The following SCNN1B variants were observed in gnomAD, a reference collection of about 807,000 sequenced individuals.
SCNN1B encodes sodium channel epithelial 1 subunit beta.
A neutral mutation model predicts 65.3 loss-of-function variants in SCNN1B; 46 were observed. That is an observed-to-expected ratio of 0.70 (90% CI 0.56 to 0.90). The LOEUF (loss-of-function observed/expected upper bound fraction) is 0.90, where lower values mean the gene tolerates loss of function less well. SCNN1B is among the 40% of genes least tolerant of loss of function. The pLI is 0.00. For synonymous variants in SCNN1B, 349 were observed against 330.6 expected (o/e 1.06, Z -0.60); for missense variants, 751 against 830.5 (o/e 0.90, Z 1.18).
At position 23,380,319 on chromosome 16, in the gene SCNN1B, C is replaced by A; in HGVS notation, c.1543-102C>A. 3 of 1,584,152 alleles carry A rather than the reference C, an allele frequency of 1.9e-6. No individual in the cohort carries two copies. The South Asian group carries it at 3.3e-5, about 18-fold the overall frequency. ...TTCCCCTGGGCCAAGATGGTCACCC[C>A]CTCCCGTTCCCACCCAAGAATCACC... On this transcript the variant is annotated intron_variant, in intron 12 of 12. Coordinates refer to ENST00000343070, the MANE Select transcript of SCNN1B (RefSeq NM_000336.3). This position sits in a 1 kb window ranked among gnomAD's most constrained non-coding sequence, Gnocchi z 5.4.
intron 1 of SCNN1B, among the ~76,000 whole-genome samples, chr16:23,334,645 C>T (rs540018804): frequency 3.3e-5 from 5 of 152,204 alleles, no homozygotes; most frequent in East Asian, 3.9e-4. Context: ...CTGTTTGCAC[C>T]CCATTCACCC....
At chr16:23,311,157 G>A (rs141391922) in intron 1 of SCNN1B, among the ~76,000 whole-genome samples, 173 of 152,344 alleles carry the variant, frequency 1.1e-3, no homozygotes, top group African/African-American at 3.9e-3. Flanking sequence ...CTCTGCATTG[G>A]GCACAACTTG....
intron 1 of SCNN1B, among the ~76,000 whole-genome samples, chr16:23,279,098 A>T (rs1292916572): frequency 7.2e-6 from 1 of 138,360 alleles, no homozygotes; most frequent in East Asian, 2.2e-4. Context: ...TGTGTGTGTG[A>T]TGGGGGCTGA....
intron 1 of SCNN1B, among the ~76,000 whole-genome samples, chr16:23,345,690 A>G (rs1962171353): frequency 6.6e-6 from 1 of 152,176 alleles, no homozygotes; most frequent in South Asian, 2.1e-4. Context: ...AGCTAAGAGG[A>G]GAGATCAGCC....
At chr16:23,320,979 G>A (rs9930640) in intron 1 of SCNN1B, among the ~76,000 whole-genome samples, 10,501 of 152,236 alleles carry the variant, frequency 0.069, 1,238 homozygotes, top group African/African-American at 0.24. Flanking sequence ...GGTGGTGGCC[G>A]GATCTAGATG....
chr16:23,376,492 T>C (rs1962898864), intron 8 of SCNN1B, among the ~76,000 whole-genome samples: 1 of 151,840 alleles, frequency 6.6e-6, no homozygotes, highest in Non-Finnish European at 1.5e-5. Flanking sequence ...AGGAAGCCAT[T>C]AGCATGATGG....
In SCNN1B at chr16:23,377,211, C is replaced by T; in HGVS notation, c.1317C>T (p.Thr439=). The T allele has an allele frequency of 6.2e-7, 1 of 1,614,244 alleles. No individual in the cohort carries two copies. Residue 439 remains threonine, a synonymous_variant, in exon 9 of 13, where the codon ACC becomes ACT. Coordinates refer to ENST00000343070, the MANE Select transcript of SCNN1B (RefSeq NM_000336.3). ...AGATGAGCGTGGCGCAGAGAGAGAC[C>T]TGCATTGGCATGTGCAAGGAGTCCT... The part of the protein sequence containing the change: ...DLQMSVAQRE[T]CIGMCKESCN...
At chr16:23,339,634 C>T (rs1962013523) in intron 1 of SCNN1B, among the ~76,000 whole-genome samples, 1 of 151,486 alleles carries the variant, frequency 6.6e-6, no homozygotes, top group Non-Finnish European at 1.5e-5. Context: ...GGCACGATCT[C>T]GACTCACTGC....
chr16:23,305,556 A>AAAAATAT (rs1376855585), intron 1 of SCNN1B, among the ~76,000 whole-genome samples: 1 of 38,614 alleles, frequency 2.6e-5, no homozygotes, highest in East Asian at 1.0e-3. Flanking sequence ...ATATATATAT[A>AAAAATAT]TATATATATA....
chr16:23,377,794 T>C (rs7189466), intron 10 of SCNN1B, among the ~76,000 whole-genome samples: 4 of 130,270 alleles, frequency 3.1e-5, no homozygotes, highest in African/African-American at 1.1e-4. Context: ...CCCTTCCTTC[T>C]TTCCTTCCTT....
intron 4 of SCNN1B, among the ~76,000 whole-genome samples, chr16:23,364,852 A>C (rs866954335): frequency 2.0e-5 from 3 of 151,614 alleles, no homozygotes; most frequent in African/African-American, 7.3e-5. Flanking sequence ...TAGGCCAGGC[A>C]TGGTGGCTCA....
intron 4 of SCNN1B, chr16:23,358,248 C>A (rs1047568534): frequency 1.3e-5 from 2 of 152,132 alleles, no homozygotes; most frequent in Admixed American, 6.5e-5. Flanking sequence ...AGCTAAAGAA[C>A]TGTTAGCAGA....
intron 4 of SCNN1B, among the ~76,000 whole-genome samples, chr16:23,360,941 G>C (rs1256325308): frequency 1.3e-5 from 2 of 151,934 alleles, no homozygotes; most frequent in African/African-American, 2.4e-5. Flanking sequence ...ACTACAGGCA[G>C]CCGCCACCAC....
In SCNN1B at chr16:23,377,314, G is replaced by A. The variant is rs745405414; in HGVS notation, c.1347-15G>A. ...CACTGGCAGGGACCACAACAGGCCT[G>A]GCCTTCTCTTTCAGTGACACCCAGT... On this transcript the variant is annotated splice_polypyrimidine_tract_variant and intron_variant, in intron 9 of 12. Coordinates refer to ENST00000343070, the MANE Select transcript of SCNN1B (RefSeq NM_000336.3). 1.2e-6 allele frequency: 2 copies of A among 1,614,060 alleles called. No individual in the cohort carries two copies. The highest frequency in any genetic ancestry group is 8.5e-7 in the Non-Finnish European group (1 of 1,180,024).
At chr16:23,344,282 C>T (rs1364857302) in intron 1 of SCNN1B, among the ~76,000 whole-genome samples, 1 of 152,160 alleles carries the variant, frequency 6.6e-6, no homozygotes, top group Non-Finnish European at 1.5e-5. Flanking sequence ...TTGTTAAACC[C>T]GGAGATTAGA....
At chr16:23,289,926 T>C (rs1468478533) in intron 2 of SCNN1B, among the ~76,000 whole-genome samples, 1 of 152,090 alleles carries the variant, frequency 6.6e-6, no homozygotes, top group Non-Finnish European at 1.5e-5. Flanking sequence ...TCCACCCACC[T>C]CGGCCTCCCA....
At position 23,380,332 on chromosome 16, in the gene SCNN1B, C is replaced by T. The variant is rs36000777; in HGVS notation, c.1543-89C>T. ...AGATGGTCACCCCCTCCCGTTCCCA[C>T]CCAAGAATCACCTCCCAGGAAGCTG... is the stretch of plus-strand genomic sequence containing the variant. On this transcript the variant is annotated intron_variant, in intron 12 of 12. Transcript: ENST00000343070. This position sits in a 1 kb window ranked among gnomAD's most constrained non-coding sequence, Gnocchi z 5.4. The T allele has an allele frequency of 1.8e-3, 2,951 of 1,603,386 alleles. 20 individuals carry two copies. Among genetic ancestry groups the T allele is most frequent in the South Asian group, 6.2e-3 (564 of 90,700 alleles).
At chr16:23,305,548 A>T (rs1961183839) in intron 1 of SCNN1B, among the ~76,000 whole-genome samples, 1 of 35,252 alleles carries the variant, frequency 2.8e-5, no homozygotes, top group Non-Finnish European at 4.1e-5. Context: ...ATATATATAT[A>T]TATATATATA....
intron 1 of SCNN1B, chr16:23,304,150 G>A: frequency 7.1e-7 from 1 of 1,409,770 alleles, no homozygotes; most frequent in Non-Finnish European, 9.7e-7. Context: ...TCTGGGTTAA[G>A]TTCAATTTAT....
Sources: gnomAD v4.1 joint callset for allele counts (sites outside exome capture counted in the v4.1 genomes callset) on GRCh38, gnomAD v4.1.1 for gene constraint, Gnocchi (gnomAD v3.1) non-coding constraint, MANE v1.5 for transcripts, NCBI Gene and HGNC (gene_info 2026-07-23, HGNC 2026-07-21) for gene names.